Variants in SREK1 observed in about 807,000 individuals in gnomAD.
SREK1 encodes the protein splicing regulatory glutamine/lysine-rich protein 1.
SREK1 carries 13 observed loss-of-function variants against 66.5 expected under a neutral mutation model. The observed-to-expected ratio is 0.20, with a 90% CI of 0.13 to 0.31. The LOEUF (loss-of-function observed/expected upper bound fraction) is 0.31, where lower values mean the gene tolerates loss of function less well. SREK1 is among the 10% of genes least tolerant of loss of function. SREK1 has a pLI of 1.00. For synonymous variants in SREK1, 265 were observed against 263.5 expected (o/e 1.01, Z -0.05); for missense variants, 607 against 769.6 (o/e 0.79, Z 2.50).
intron 2 of SREK1, chr5:66,158,224 T>C (rs77889996): frequency 0.081 from 12,328 of 152,064 alleles, 621 homozygotes; most frequent in East Asian, 0.27. Context: ...ATCGTACTTA[T>C]TTCAGAGTAA....
intron 3 of SREK1, among the ~76,000 whole-genome samples, chr5:66,160,048 T>C (rs546073743): frequency 6.6e-6 from 1 of 151,876 alleles, no homozygotes; most frequent in African/African-American, 2.4e-5. Flanking sequence ...GAGAATGGCG[T>C]GAGCCTGGGA....
At chr5:66,162,334 A>G in intron 4 of SREK1, 61 bp downstream of exon 4, 1 of 1,606,330 alleles carries the variant, frequency 6.2e-7, no homozygotes, top group South Asian at 1.1e-5. Flanking sequence ...CTTCTTAAAA[A>G]TCATATCAGT....
intron 6 of SREK1, chr5:66,164,481 T>C: frequency 1.1e-6 from 1 of 934,930 alleles, no homozygotes; most frequent in Non-Finnish European, 1.5e-6. Context: ...TCTAGCAGAA[T>C]AAGTGGAGAA....
chr5:66,154,207 A>G (rs1007961732), intron 2 of SREK1, among the ~76,000 whole-genome samples: 3 of 152,222 alleles, frequency 2.0e-5, no homozygotes, highest in Admixed American at 2.0e-4. Flanking sequence ...TCCATGAAGG[A>G]AGTAGTTGTT....
intron 1 of SREK1, among the ~76,000 whole-genome samples, chr5:66,149,255 C>T (rs1162124070): frequency 1.3e-5 from 2 of 151,942 alleles, no homozygotes; most frequent in East Asian, 1.9e-4. Flanking sequence ...TGGGAGGCGG[C>T]AGGAGAATCG....
chr5:66,173,765 C>G (rs559839094), intron 9 of SREK1, among the ~76,000 whole-genome samples: 81 of 152,252 alleles, frequency 5.3e-4, no homozygotes, highest in Non-Finnish European at 7.1e-4. Flanking sequence ...CATTCACATG[C>G]TTTGAAAAAA....
chr5:66,158,332 T>A (rs1410901974), intron 2 of SREK1: 1 of 152,210 alleles, frequency 6.6e-6, no homozygotes, highest in East Asian at 1.9e-4. Flanking sequence ...AAAATGTTTT[T>A]AAGCAAGCTT....
At chr5:66,147,519 C>G (rs578199958) in intron 1 of SREK1, among the ~76,000 whole-genome samples, 1 of 152,306 alleles carries the variant, frequency 6.6e-6, no homozygotes, top group East Asian at 1.9e-4. Flanking sequence ...CTTCAAGTAA[C>G]TAAAACCTGA....
At chr5:66,176,323 T>C (rs1204295714) in intron 10 of SREK1, among the ~76,000 whole-genome samples, 5 of 152,136 alleles carry the variant, frequency 3.3e-5, no homozygotes, top group African/African-American at 1.2e-4. Flanking sequence ...CTTTTAATTA[T>C]TGAGATTATA....
At chr5:66,167,587 AACT>A (rs1204863929) in intron 7 of SREK1, 3 of 152,226 alleles carry the variant, frequency 2.0e-5, no homozygotes, top group Non-Finnish European at 4.4e-5. Context: ...TTAATCAGAA[AACT>A]ACTAGTGGGT....
Position 66,151,261 on chromosome 5 carries a change from G to A in SREK1, c.162-2202G>A, listed in dbSNP as rs77232700. 2.1e-3 allele frequency among the ~76,000 whole-genome samples: 324 copies of A among 152,324 alleles called. 9 individuals are homozygous for A. In the East Asian group the frequency reaches 0.054, roughly 26 times the overall value. ...TTGAATGTTGCCAGTCGTTGTGGTG[G>A]AGGAAAAGAGTCAAACAGTGGTTCT... On this transcript the variant is annotated intron_variant, in intron 1 of 11. Transcript: ENST00000334121.
chr5:66,169,628 G>A (rs1398334688), intron 7 of SREK1: 1 of 152,164 alleles, frequency 6.6e-6, no homozygotes, highest in Non-Finnish European at 1.5e-5. Flanking sequence ...TGTCACAGTG[G>A]CGCTGTCATT....
chr5:66,173,698 A>G (rs1475117803), intron 9 of SREK1, among the ~76,000 whole-genome samples: 1 of 152,248 alleles, frequency 6.6e-6, no homozygotes, highest in African/African-American at 2.4e-5. Flanking sequence ...AAGTAAAAGA[A>G]TTACACTGAT....
In SREK1 at chr5:66,159,267, C is replaced by T. The variant is rs1044611768; in HGVS notation, c.344C>T (p.Pro115Leu). 1 of 1,613,704 alleles carries T rather than the reference C, an allele frequency of 6.2e-7. No homozygotes were observed. The highest frequency in any genetic ancestry group is 8.5e-7 in the Non-Finnish European group (1 of 1,179,840). Reference sequence around the variant, plus strand: ...GCCCTCTCTTTATTGGCTCCTGCTCCAACCATGACAAGTCTGATGCCTGGT... The same window carrying T: ...GCCCTCTCTTTATTGGCTCCTGCTCTAACCATGACAAGTCTGATGCCTGGT... ...SKALSLLAPAPTMTSLMPGAG... is the reference protein window; with the variant it reads ...SKALSLLAPALTMTSLMPGAG... Residue 115 changes from proline to leucine, a missense_variant, in exon 3 of 12, where the codon CCA becomes CTA. By Grantham distance (98) the Pro-to-Leu change is moderately conservative. Around this residue, in one of 5 missense-constraint regions of SREK1, gnomAD observed 99 missense variants for 186.6 expected, o/e 0.53. Coordinates refer to ENST00000334121, the MANE Select transcript of SREK1 (RefSeq NM_001077199.3).
rs193260751 is a variant in SREK1 at position 66,168,791 on chromosome 5, C to T, written c.1002-1260C>T. The T allele has an allele frequency of 1.1e-4, 16 of 152,278 alleles. 1 individual carries two copies. Among genetic ancestry groups the T allele is most frequent in the Admixed American group, 6.5e-4 (10 of 15,296 alleles). The allele number at this position is 152,278 out of a possible 1,614,324, so 9.4% of individuals were successfully genotyped here. On this transcript the variant is annotated intron_variant, in intron 7 of 11. Coordinates refer to ENST00000334121, the MANE Select transcript of SREK1 (RefSeq NM_001077199.3). ...AAGTTCATTCAGCTTCCTTGGAATA[C>T]GTACATAAGGATATAAAGTTTACAT... is the stretch of plus-strand genomic sequence containing the variant.
At chr5:66,178,461 G>C (rs1001912875) in intron 11 of SREK1, among the ~76,000 whole-genome samples, 9 of 151,964 alleles carry the variant, frequency 5.9e-5, no homozygotes, top group Non-Finnish European at 1.0e-4. Flanking sequence ...TTTCAAGTCT[G>C]TCAGCAACAT....
intron 10 of SREK1, among the ~76,000 whole-genome samples, chr5:66,176,884 G>A (rs1008580451): frequency 1.6e-4 from 25 of 151,950 alleles, no homozygotes; most frequent in African/African-American, 5.6e-4. Flanking sequence ...GATTTTCTGT[G>A]ATTTTCCAGC....
chr5:66,157,440 GTGACGA>G, intron 2 of SREK1: 1 of 985,180 alleles, frequency 1.0e-6, no homozygotes, highest in Non-Finnish European at 1.2e-6. Context: ...CATTAAGGTA[GTGACGA>G]TGGAGTTTCT....
intron 2 of SREK1, chr5:66,155,968 T>G: frequency 2.0e-6 from 3 of 1,503,440 alleles, no homozygotes; most frequent in South Asian, 2.4e-5. Flanking sequence ...AGCCTAATCA[T>G]CAGTCATAAC....
Sources: gnomAD v4.1 joint callset for allele counts (sites outside exome capture counted in the v4.1 genomes callset) on GRCh38, gnomAD v4.1.1 for gene constraint, gnomAD v4.1.1 regional missense constraint, MANE v1.5 for transcripts, NCBI Gene and HGNC (gene_info 2026-07-23, HGNC 2026-07-21) for gene names.